KYNU: variants seen among roughly 807,000 people sequenced by gnomAD.
KYNU encodes L-kynurenine hydrolase.
In KYNU, 54 loss-of-function variants were observed where a neutral mutation model predicts 59.2. The observed-to-expected ratio is 0.91, with a 90% confidence interval of 0.73 to 1.14. The LOEUF (loss-of-function observed/expected upper bound fraction) is 1.14. KYNU is among the 50% of genes most tolerant of loss of function. KYNU has a pLI of 0.00. For missense variants in KYNU, 567 were observed against 554.4 expected (o/e 1.02, Z -0.23); for synonymous variants, 177 against 192.0 (o/e 0.92, Z 0.65).
At chr2:142,932,704 T>A (rs1250718170) in intron 4 of KYNU, among the ~76,000 whole-genome samples, 1 of 140,896 alleles carries the variant, frequency 7.1e-6, no homozygotes, top group Non-Finnish European at 1.5e-5. Flanking sequence ...GGCAATGAGT[T>A]CAGCTTTTGG....
intron 11 of KYNU, among the ~76,000 whole-genome samples, chr2:143,030,257 A>G (rs972214219): frequency 2.6e-5 from 4 of 152,144 alleles, no homozygotes; most frequent in African/African-American, 4.8e-5. Context: ...GGCTTTTGCC[A>G]TGTACCAAAG....
chr2:142,952,452 C>CA (rs1684023268), intron 4 of KYNU, among the ~76,000 whole-genome samples: 1 of 151,310 alleles, frequency 6.6e-6, no homozygotes, highest in South Asian at 2.1e-4. Context: ...TTTGTTTTTG[C>CA]TTTTTTTTAG....
At chr2:142,880,316 A>G (rs1257224567) in intron 1 of KYNU, among the ~76,000 whole-genome samples, 8 of 152,220 alleles carry the variant, frequency 5.3e-5, no homozygotes, top group Non-Finnish European at 1.2e-4. Context: ...ATAGCCAAGA[A>G]GATGGGTCCC....
At chr2:143,041,921 A>T (rs1687068071) in intron 13 of KYNU, 126 bp from the exon 14 acceptor site, 3 of 922,572 alleles carry the variant, frequency 3.3e-6, no homozygotes, top group African/African-American at 1.7e-5. Flanking sequence ...AAGTAAAAAA[A>T]TTTTGCATAT....
At chr2:142,929,712 G>C (rs114063106) in intron 4 of KYNU, among the ~76,000 whole-genome samples, 1 of 152,178 alleles carries the variant, frequency 6.6e-6, no homozygotes, top group Non-Finnish European at 1.5e-5. Context: ...TGGAGTCAAA[G>C]ATTTTCTGAT....
intron 10 of KYNU, chr2:142,988,898 G>T: frequency 6.2e-7 from 1 of 1,606,326 alleles, no homozygotes; most frequent in South Asian, 1.1e-5. Context: ...GACAAGTCAA[G>T]GACAAGGTAT....
At chr2:143,002,687 C>A (rs965858493) in intron 10 of KYNU, among the ~76,000 whole-genome samples, 2 of 151,946 alleles carry the variant, frequency 1.3e-5, no homozygotes, top group African/African-American at 2.4e-5. Context: ...TGTTTTGATC[C>A]CATTGAAAAT....
intron 10 of KYNU, among the ~76,000 whole-genome samples, chr2:143,004,851 G>A (rs1321976033): frequency 6.6e-6 from 1 of 152,146 alleles, no homozygotes; most frequent in African/African-American, 2.4e-5. Context: ...GGTGTCACCT[G>A]GAGGGAAGTT....
At chr2:142,955,153 AC>A (rs1159587854) in intron 5 of KYNU, among the ~76,000 whole-genome samples, 11 of 152,050 alleles carry the variant, frequency 7.2e-5, no homozygotes, top group African/African-American at 2.7e-4. Context: ...ATGCAAGCCT[AC>A]AAAACAGTGA....
chr2:143,035,556 A>C (rs1399404262), intron 12 of KYNU, among the ~76,000 whole-genome samples: 1 of 152,208 alleles, frequency 6.6e-6, no homozygotes, highest in Non-Finnish European at 1.5e-5. Context: ...CAGTGAATTA[A>C]CTATGCTTCT....
chr2:142,960,599 C>T (rs780783403), intron 7 of KYNU, 25 bp from the exon 8 acceptor site: 2 of 1,604,650 alleles, frequency 1.2e-6, no homozygotes, highest in Non-Finnish European at 1.7e-6. Flanking sequence ...TCGATATGAC[C>T]TAACTTGTGC....
intron 2 of KYNU, among the ~76,000 whole-genome samples, chr2:142,906,830 G>A (rs1370432599): frequency 6.6e-6 from 1 of 152,140 alleles, no homozygotes; most frequent in East Asian, 1.9e-4. Context: ...CAATGCCAGG[G>A]GTTCAGGACG....
At chr2:143,018,718 G>T (rs886664263) in intron 10 of KYNU, among the ~76,000 whole-genome samples, 1 of 152,106 alleles carries the variant, frequency 6.6e-6, no homozygotes, top group African/African-American at 2.4e-5. Flanking sequence ...TGAATCTGTA[G>T]ATTGCTTTGA....
At chr2:142,930,172 T>C (rs1683164396) in intron 4 of KYNU, among the ~76,000 whole-genome samples, 1 of 152,220 alleles carries the variant, frequency 6.6e-6, no homozygotes, top group African/African-American at 2.4e-5. Flanking sequence ...ATTTTATGGT[T>C]TGTAGGATGT....
chr2:142,895,825 CAGG>C (rs1313964068), intron 2 of KYNU, among the ~76,000 whole-genome samples: 2 of 152,160 alleles, frequency 1.3e-5, no homozygotes, highest in African/African-American at 4.8e-5. Context: ...GCCAGGGCTA[CAGG>C]CGTGCACCAC....
intron 4 of KYNU, among the ~76,000 whole-genome samples, chr2:142,943,390 A>C (rs890506795): frequency 1.3e-5 from 2 of 151,878 alleles, no homozygotes; most frequent in Admixed American, 1.3e-4. Context: ...TATGTGTACA[A>C]ATTGATAGTG....
intron 4 of KYNU, among the ~76,000 whole-genome samples, chr2:142,942,262 C>T (rs1225681030): frequency 1.3e-5 from 2 of 151,678 alleles, no homozygotes; most frequent in African/African-American, 2.4e-5. Context: ...TGTTTGCAAA[C>T]CCCATGCAGC....
chr2:142,946,104 GAC>G (rs78837505), intron 4 of KYNU, among the ~76,000 whole-genome samples: 4,110 of 151,410 alleles, frequency 0.027, 180 homozygotes, highest in Admixed American at 0.11. Context: ...TTATTTTTGA[GAC>G]AGAGTCTTGC....
intron 8 of KYNU, among the ~76,000 whole-genome samples, chr2:142,966,925 A>G (rs1265398678): frequency 6.6e-6 from 1 of 152,028 alleles, no homozygotes; most frequent in Non-Finnish European, 1.5e-5. Context: ...AGAAAGTGAA[A>G]TATCCAGAAT....
Sources: allele counts gnomAD v4.1 joint callset (sites outside exome capture counted in the v4.1 genomes callset), GRCh38; gene constraint gnomAD v4.1.1; transcripts MANE v1.5; gene names NCBI Gene and HGNC (gene_info 2026-07-23, HGNC 2026-07-21).